Variants in WDR64 observed in about 807,000 individuals in gnomAD.
WDR64 encodes the protein WD repeat domain 64.
A neutral mutation model predicts 139.3 loss-of-function variants in WDR64; 112 were observed. The observed-to-expected ratio is 0.80, with a 90% CI of 0.69 to 0.94. WDR64 has a LOEUF of 0.94. WDR64 is among the 40% of genes least tolerant of loss of function. The pLI, the probability that WDR64 is intolerant of heterozygous loss-of-function variation, is 0.00. For missense variants in WDR64, 1,206 were observed against 1,293.1 expected (o/e 0.93, Z 1.03); for synonymous variants, 444 against 437.7 (o/e 1.01, Z -0.18).
intron 7 of WDR64, among the ~76,000 whole-genome samples, 157 bp from the exon 8 acceptor site, chr1:241,687,304 T>TAAA (rs11433746): frequency 2.4e-5 from 3 of 126,490 alleles, no homozygotes; most frequent in Non-Finnish European, 3.3e-5. Context: ...AGACTCCATC[T>TAAA]AAAAAAAAAA....
At chr1:241,662,272 G>A (rs143147315) in intron 2 of WDR64, among the ~76,000 whole-genome samples, 314 of 152,204 alleles carry the variant, frequency 2.1e-3, no homozygotes, top group African/African-American at 7.2e-3. Flanking sequence ...CCCTCTGCTC[G>A]GGGTATCATA....
chr1:241,771,716 CTCT>C lies in WDR64; in HGVS notation c.2290+24_2290+26del. 1 of 1,432,014 alleles carries C rather than the reference CTCT, an allele frequency of 7.0e-7. No homozygotes were observed. The highest frequency in any genetic ancestry group is 9.2e-7 in the Non-Finnish European group (1 of 1,086,534). 88.7% of individuals were successfully genotyped at this position (1,432,014 alleles called of 1,614,324 possible). On this transcript the variant is annotated intron_variant, in intron 19 of 27. Transcript: ENST00000437684. Reference sequence around the variant, plus strand: ...GTTAAAGGTCAGTATGAAATCACCTCTCTTCTTTATAATAAAGCAACTCCTTTG... The same window carrying C: ...GTTAAAGGTCAGTATGAAATCACCTCTCTTTATAATAAAGCAACTCCTTTG...
In WDR64 at chr1:241,724,631, A is replaced by T. The variant is rs564382129; in HGVS notation, c.1194+1195A>T. Among the ~76,000 whole-genome samples, 23 of 152,360 alleles carry T rather than the reference A, an allele frequency of 1.5e-4. No individual in the cohort carries two copies. In the South Asian group the frequency reaches 4.8e-3, roughly 32 times the overall value. ...CATTACATATGAATTAAAGATTTTA[A>T]ATTTAAAATACAAAACCATAGAAAT... On this transcript the variant is annotated intron_variant, in intron 10 of 27. Coordinates refer to ENST00000437684, the MANE Select transcript of WDR64 (RefSeq NM_001367482.1).
At chr1:241,704,130 G>A (rs1327143232) in intron 8 of WDR64, among the ~76,000 whole-genome samples, 2 of 152,142 alleles carry the variant, frequency 1.3e-5, no homozygotes, top group Admixed American at 6.5e-5. Context: ...CTGTGAGTCT[G>A]GTGCCACTCT....
intron 22 of WDR64, among the ~76,000 whole-genome samples, chr1:241,781,994 A>G (rs1424497168): frequency 6.6e-6 from 1 of 152,202 alleles, no homozygotes; most frequent in East Asian, 1.9e-4. Flanking sequence ...GCTTTGAGAC[A>G]ATAAGAAGTA....
In WDR64 at chr1:241,683,644, A is replaced by T. The variant is rs1666901342; in HGVS notation, c.782A>T (p.Gln261Leu). Residue 261 changes from glutamine to leucine, a missense_variant, in exon 7 of 28, where the codon CAG becomes CTG. Transcript: ENST00000437684. ...AACAGTGATGACTTTGGAATAAAGC[A>T]GGCAAAATCCAAAAGAAAATTACAA... ...TVNSDDFGIK[Q>L]AKSKRKLQNQ... 1.3e-6 allele frequency: 2 copies of T among 1,551,564 alleles called. No homozygotes were observed. Among genetic ancestry groups the T allele is most frequent in the Non-Finnish European group, 1.7e-6 (2 of 1,146,916 alleles).
chr1:241,720,436 T>G (rs1442411680), intron 9 of WDR64, among the ~76,000 whole-genome samples: 4 of 152,148 alleles, frequency 2.6e-5, no homozygotes, highest in Non-Finnish European at 5.9e-5. Context: ...TAAAAGCATT[T>G]CTTTTTCTCC....
intron 9 of WDR64, among the ~76,000 whole-genome samples, chr1:241,713,402 G>A (rs1235927723): frequency 5.0e-5 from 7 of 139,966 alleles, no homozygotes; most frequent in Admixed American, 3.6e-4. Context: ...AGGAAGGGAG[G>A]GAGGGAGGAA....
chr1:241,676,745 G>GTTTTTTTTTTTT lies in WDR64; in HGVS notation c.484-1435_484-1424dup, dbSNP rs11342790. 1.9e-3 allele frequency among the ~76,000 whole-genome samples: 241 copies of GTTTTTTTTTTTT among 124,318 alleles called. 1 individual carries two copies. Among genetic ancestry groups the GTTTTTTTTTTTT allele is most frequent in the African/African-American group, 6.6e-3 (219 of 33,312 alleles). 81.6% of individuals were successfully genotyped at this position (124,318 alleles called of 152,430 possible). The stretch of plus-strand genomic sequence containing the variant: ...GGAAAAAATGGCTAAAAAATTAATG[G>GTTTTTTTTTTTT]TTTTTTTTTTTTTTTTTTGTAGAAA... On this transcript the variant is annotated intron_variant, in intron 4 of 27. Coordinates refer to ENST00000437684, the MANE Select transcript of WDR64 (RefSeq NM_001367482.1).
intron 15 of WDR64, among the ~76,000 whole-genome samples, chr1:241,760,673 A>G (rs1372657830): frequency 2.0e-5 from 3 of 149,706 alleles, no homozygotes; most frequent in African/African-American, 4.9e-5. Context: ...CTCACTCATT[A>G]TAAGATAAAT....
At chr1:241,763,643 T>C (rs577206670) in intron 15 of WDR64, among the ~76,000 whole-genome samples, 11 of 152,252 alleles carry the variant, frequency 7.2e-5, no homozygotes, top group Middle Eastern at 3.4e-3. Flanking sequence ...AGGTGGAGGA[T>C]GCAGTGAGCT....
intron 23 of WDR64, among the ~76,000 whole-genome samples, chr1:241,786,668 C>T (rs905236154): frequency 3.3e-5 from 5 of 152,182 alleles, no homozygotes; most frequent in African/African-American, 1.2e-4. Flanking sequence ...TGAGATCCCT[C>T]CTCCCTTAAG....
intron 14 of WDR64, among the ~76,000 whole-genome samples, chr1:241,750,918 T>G (rs114288078): frequency 0.023 from 3,548 of 152,318 alleles, 76 homozygotes; most frequent in Non-Finnish European, 0.037. Flanking sequence ...TGGAGAACTT[T>G]TATTAATGTT....
At chr1:241,662,311 G>A (rs868480942) in intron 2 of WDR64, among the ~76,000 whole-genome samples, 1 of 152,142 alleles carries the variant, frequency 6.6e-6, no homozygotes, top group Non-Finnish European at 1.5e-5. Context: ...TGGCAAAGCT[G>A]GGTTCTCATT....
At chr1:241,746,496 A>G (rs1669759141) in intron 13 of WDR64, among the ~76,000 whole-genome samples, 1 of 151,996 alleles carries the variant, frequency 6.6e-6, no homozygotes, top group African/African-American at 2.4e-5. Context: ...GAGCTGCTAC[A>G]ACGGAATACC....
intron 19 of WDR64, 75 bp downstream of exon 19, chr1:241,771,772 T>G (rs1054631766): frequency 2.2e-6 from 2 of 905,252 alleles, no homozygotes; most frequent in Admixed American, 3.7e-5. Context: ...GACAGAGTAT[T>G]CTTAATGAAT....
intron 12 of WDR64, 64 bp downstream of exon 12, chr1:241,741,728 A>G: frequency 6.8e-7 from 1 of 1,463,390 alleles, no homozygotes; most frequent in Non-Finnish European, 9.1e-7. Context: ...TCTGTTCTTA[A>G]AATAAATCAT....
intron 8 of WDR64, among the ~76,000 whole-genome samples, chr1:241,702,065 A>G (rs911596489): frequency 6.6e-6 from 1 of 152,242 alleles, no homozygotes; most frequent in African/African-American, 2.4e-5. Context: ...GTTCTGTACT[A>G]GCAAGAAAAT....
chr1:241,778,610 T>C (rs895066770), intron 21 of WDR64, among the ~76,000 whole-genome samples: 25 of 152,176 alleles, frequency 1.6e-4, no homozygotes, highest in African/African-American at 5.8e-4. Flanking sequence ...TTCTGCCTTT[T>C]GCAATTTTAA....
Sources: gnomAD v4.1 joint callset for allele counts (sites outside exome capture counted in the v4.1 genomes callset) on GRCh38, gnomAD v4.1.1 for gene constraint, MANE v1.5 for transcripts, NCBI Gene and HGNC (gene_info 2026-07-23, HGNC 2026-07-21) for gene names.